TMEM94: variants seen among roughly 807,000 people sequenced by gnomAD.
TMEM94 encodes the protein transmembrane protein 94, also known as ER Mg2+ ATPase.
Under a neutral mutation model 158.6 loss-of-function variants are expected in TMEM94, and 81 were observed. The observed-to-expected ratio is 0.51, with a 90% confidence interval of 0.43 to 0.61. The LOEUF is 0.61. Among genes scored for constraint, TMEM94 ranks in the 20% least tolerant of loss-of-function variants. The probability of loss-of-function intolerance (pLI) is 0.00; values close to 1 mark genes in which losing one functional copy is unlikely to be tolerated. For missense variants in TMEM94, 1,435 were observed against 1,762.0 expected, an observed-to-expected ratio of 0.81 and a Z score of 3.32; for synonymous variants, 751 against 730.7, an observed-to-expected ratio of 1.03 and a Z score of -0.45.
intron 1 of TMEM94, among the ~76,000 whole-genome samples, chr17:75,465,260 C>A (rs935847084): frequency 6.6e-6 from 1 of 152,114 alleles, no homozygotes; most frequent in Non-Finnish European, 1.5e-5. Context: ...CATCCTCCCC[C>A]GTCAGCCTCC....
Position 75,495,142 on chromosome 17 carries a change from C to A in TMEM94, c.2728+108C>A. The A allele has an allele frequency of 6.7e-7, 1 of 1,488,966 alleles. No homozygotes were observed. The highest frequency in any genetic ancestry group is 9.1e-7 in the Non-Finnish European group (1 of 1,100,748). 92.2% of individuals were successfully genotyped at this position (1,488,966 alleles called of 1,614,324 possible). A position where few individuals can be genotyped will look rare whatever the true frequency, so the allele number is the denominator to read the frequency against. On this transcript the variant is annotated intron_variant, in intron 20 of 31. Transcript: ENST00000314256. This position sits in a 1 kb window ranked among gnomAD's most constrained non-coding sequence, Gnocchi z 5.6. ...GAGAGCCCTCCAGTTAAGTACATTC[C>A]CTTGGGAAATGGCTCTGATGTCCCT...
Position 75,495,140 on chromosome 17 carries a change from T to G in TMEM94, c.2728+106T>G, listed in dbSNP as rs757636132. The G allele has an allele frequency of 8.1e-5, 121 of 1,491,058 alleles. 2 individuals are homozygous for G. In the Middle Eastern group the frequency reaches 8.3e-4, roughly 10 times the overall value. The allele number at this position is 1,491,058 out of a possible 1,614,324, so 92.4% of individuals were successfully genotyped here. ...CGGAGAGCCCTCCAGTTAAGTACAT[T>G]CCCTTGGGAAATGGCTCTGATGTCC... On this transcript the variant is annotated intron_variant, in intron 20 of 31. Coordinates refer to ENST00000314256, the MANE Select transcript of TMEM94 (RefSeq NM_014738.6). This position sits in a 1 kb window ranked among gnomAD's most constrained non-coding sequence, Gnocchi z 5.6.
At position 75,485,053 on chromosome 17, in the gene TMEM94, AT is replaced by A. The variant is rs756765637; in HGVS notation, c.25-373del. ...ACTCTATCTAAAAAAAAAAAAAAAA[AT>A]TGTCCATGCAATCAAAGACTGGCCC... On this transcript the variant is annotated intron_variant, in intron 2 of 31. Transcript: ENST00000314256. The surrounding 1 kb of genome is among the most constrained non-coding windows in gnomAD (Gnocchi z 5.5). 3.1e-4 allele frequency among the ~76,000 whole-genome samples: 47 copies of A among 151,032 alleles called. No homozygotes were observed. Among genetic ancestry groups the A allele is most frequent in the African/African-American group, 8.6e-4 (35 of 40,822 alleles).
chr17:75,486,253 A>G, intron 4 of TMEM94, 37 bp from the exon 5 acceptor site: 2 of 1,611,988 alleles, frequency 1.2e-6, no homozygotes, highest in Non-Finnish European at 1.7e-6. Context: ...GCGAGCCCTC[A>G]CTCCCTGTGG....
chr17:75,459,079 C>T (rs1054704005), intron 1 of TMEM94, among the ~76,000 whole-genome samples: 2 of 144,864 alleles, frequency 1.4e-5, no homozygotes, highest in African/African-American at 5.1e-5. Context: ...ACAAAAAAAA[C>T]AAAAACAAAT....
intron 1 of TMEM94, among the ~76,000 whole-genome samples, chr17:75,464,606 CCTTCCTTTCTT>C (rs2050222729): frequency 3.3e-5 from 2 of 59,826 alleles, no homozygotes; most frequent in Non-Finnish European, 8.3e-5. Context: ...TTCTTTCTTT[CCTTCCTTTCTT>C]TCTTTCCTTC....
At chr17:75,479,428 C>G (rs1448672742) in intron 2 of TMEM94, among the ~76,000 whole-genome samples, 1 of 152,036 alleles carries the variant, frequency 6.6e-6, no homozygotes, top group Non-Finnish European at 1.5e-5. Context: ...CAAGCGATTC[C>G]CCTGCCTCAG....
intron 1 of TMEM94, among the ~76,000 whole-genome samples, chr17:75,458,505 C>A (rs2049960813): frequency 6.6e-6 from 1 of 150,880 alleles, no homozygotes; most frequent in Non-Finnish European, 1.5e-5. Context: ...AGTTTGAGAT[C>A]AACCTGGGCA....
chr17:75,492,248 G>A lies in TMEM94; in HGVS notation c.1597-226G>A. 7.0e-7 allele frequency: 1 copy of A among 1,422,030 alleles called. No individual in the cohort carries two copies. The highest frequency in any genetic ancestry group is 9.1e-7 in the Non-Finnish European group (1 of 1,093,768). The allele number at this position is 1,422,030 out of a possible 1,614,324, so 88.1% of individuals were successfully genotyped here. On this transcript the variant is annotated intron_variant, in intron 14 of 31. Coordinates refer to ENST00000314256, the MANE Select transcript of TMEM94 (RefSeq NM_014738.6). This position sits in a 1 kb window ranked among gnomAD's most constrained non-coding sequence, Gnocchi z 4.4. ...CCACCCCTCTTTTTAGCTCCTGCCA[G>A]TGTCATGAGATATATTAATAGTCCA...
chr17:75,486,304 TG>T lies in TMEM94; in HGVS notation c.289del (p.Val97Ter). 1 of 1,614,108 alleles carries T rather than the reference TG, an allele frequency of 6.2e-7. No individual in the cohort carries two copies. Among genetic ancestry groups the T allele is most frequent in the Non-Finnish European group, 8.5e-7 (1 of 1,179,972 alleles). On this transcript the variant is annotated frameshift_variant, in exon 5 of 32. Transcript: ENST00000314256. LOFTEE classifies it high-confidence loss of function. ...CCTCCCACCAGCCGTGGGGTGGGGCTGGTGAATGCCTCGGCCTTGTTCCTGT... is the reference window on the plus strand; with the variant it reads ...CCTCCCACCAGCCGTGGGGTGGGGCTGTGAATGCCTCGGCCTTGTTCCTGT... ...GQPAGSRGVG[L>X]VNASALFLLL... is the part of the protein sequence containing the mutation.
rs1367086635 is a variant in TMEM94, at chr17:75,491,784, C to T, written c.1480C>T (p.Pro494Ser). The T allele has an allele frequency of 1.9e-6, 3 of 1,613,934 alleles. No homozygotes were observed. Among genetic ancestry groups the T allele is most frequent in the African/African-American group, 2.7e-5 (2 of 74,934 alleles). The part of the protein sequence containing the change: ...QERGDWPGEA[P>S]KPPEPYSHHK... Reference sequence around the variant, plus strand: ...GCGTGGCGACTGGCCTGGCGAGGCTCCCAAGCCCCCCGAGCCCTATTCACA... The same window carrying T: ...GCGTGGCGACTGGCCTGGCGAGGCTTCCAAGCCCCCCGAGCCCTATTCACA... Residue 494 changes from proline (P) to serine (S), a missense_variant, in exon 14 of 32, where the codon CCC becomes TCC. Pro to Ser is a moderately conservative substitution (Grantham distance 74). Around this residue, in one of 3 missense-constraint regions of TMEM94, gnomAD observed 1,051 missense variants for 1,254.4 expected, o/e 0.84. Transcript: ENST00000314256. This position sits in a 1 kb window ranked among gnomAD's most constrained non-coding sequence, Gnocchi z 5.1.
At chr17:75,486,536 G>A in intron 5 of TMEM94, 110 bp downstream of exon 5, 2 of 1,332,360 alleles carry the variant, frequency 1.5e-6, no homozygotes, top group Admixed American at 3.9e-5. Context: ...GGCCAGCATT[G>A]CAGGGGCTCT....
rs140042808 is a variant in TMEM94, at chr17:75,499,567, A to AG, written c.*236dup. 28,260 of 580,696 alleles carry AG rather than the reference A, an allele frequency of 0.049. 778 individuals carry two copies. The highest frequency in any genetic ancestry group is 0.091 in the Middle Eastern group (196 of 2,144). 36.0% of individuals were successfully genotyped at this position (580,696 alleles called of 1,614,324 possible). A position where few individuals can be genotyped will look rare whatever the true frequency, so the allele number is the denominator to read the frequency against. The stretch of plus-strand genomic sequence containing the variant: ...TCCTGGCTCTTCCCTGGGCCTCACC[A>AG]GGGACACTCTTGAATGTATGGCCTC... On this transcript the variant is annotated 3_prime_UTR_variant, in exon 32 of 32. Coordinates refer to ENST00000314256, the MANE Select transcript of TMEM94 (RefSeq NM_014738.6).
chr17:75,497,327 G>A (rs2052797626), intron 26 of TMEM94, 129 bp downstream of exon 26: 2 of 652,298 alleles, frequency 3.1e-6, no homozygotes, highest in South Asian at 1.9e-5. Flanking sequence ...AGGAGGCATG[G>A]AGGGAACCCC....
At chr17:75,484,895 C>G (rs1055954227) in intron 2 of TMEM94, among the ~76,000 whole-genome samples, 8 of 151,796 alleles carry the variant, frequency 5.3e-5, no homozygotes, top group African/African-American at 1.9e-4. Flanking sequence ...AAAATTAGCC[C>G]GACATGGTGG....
chr17:75,486,833 C>T (rs1002972025), intron 5 of TMEM94, among the ~76,000 whole-genome samples: 12 of 152,048 alleles, frequency 7.9e-5, no homozygotes, highest in South Asian at 2.1e-4. Context: ...GGGTAGGGGC[C>T]GGGAGCCTGA....
At chr17:75,493,329 G>T (rs559209504) in intron 16 of TMEM94, 162 bp from the exon 17 acceptor site, 3 of 847,692 alleles carry the variant, frequency 3.5e-6, no homozygotes, top group South Asian at 1.6e-5. Flanking sequence ...TGCATTCCAA[G>T]CCCAGTGGCA....
chr17:75,484,823 G>A (rs1303027915), intron 2 of TMEM94, among the ~76,000 whole-genome samples: 1 of 152,078 alleles, frequency 6.6e-6, no homozygotes, highest in Non-Finnish European at 1.5e-5. Flanking sequence ...GATCACTTGA[G>A]GTCAGGAGTT....
At chr17:75,497,258 C>A (rs989358063) in intron 26 of TMEM94, 60 bp downstream of exon 26, 64 of 1,417,412 alleles carry the variant, frequency 4.5e-5, no homozygotes, top group Non-Finnish European at 5.7e-5. Flanking sequence ...CTGGATGTCA[C>A]TGTGCAGCCC....
Sources: allele counts gnomAD v4.1 joint callset (sites outside exome capture counted in the v4.1 genomes callset), GRCh38; gene constraint gnomAD v4.1.1; regional missense constraint gnomAD v4.1.1; non-coding constraint Gnocchi (gnomAD v3.1); transcripts MANE v1.5; gene names NCBI Gene and HGNC (gene_info 2026-07-23, HGNC 2026-07-21).